The following DEPTOR variants were observed in gnomAD, a reference collection of about 807,000 sequenced individuals.
The protein encoded by DEPTOR is DEP domain containing MTOR interacting protein.
DEPTOR carries 41 observed loss-of-function variants against 41.6 expected under a neutral mutation model. The observed-to-expected ratio is 0.98, with a 90% CI of 0.77 to 1.28. The LOEUF (loss-of-function observed/expected upper bound fraction) is 1.28, where lower values mean the gene tolerates loss of function less well. DEPTOR is among the 50% of genes most tolerant of loss of function. The probability of loss-of-function intolerance (pLI) is 0.00; values close to 1 mark genes in which losing one functional copy is unlikely to be tolerated. For synonymous variants in DEPTOR, 195 were observed against 192.3 expected, an observed-to-expected ratio of 1.01 and a Z score of -0.12; for missense variants, 514 against 527.9, an observed-to-expected ratio of 0.97 and a Z score of 0.26.
chr8:119,880,669 C>A (rs886187763), intron 1 of DEPTOR, among the ~76,000 whole-genome samples: 2 of 152,128 alleles, frequency 1.3e-5, no homozygotes, highest in African/African-American at 4.8e-5. Context: ...TATATTTTGA[C>A]AAGGTAGGAT....
chr8:119,892,971 C>T lies in DEPTOR; in HGVS notation c.122+19003C>T, dbSNP rs928795952. On this transcript the variant is annotated intron_variant, in intron 1 of 8. Transcript: ENST00000286234. ...CTAAATTTTGTATTTTTAGTAGAGA[C>T]GGGGTTTCACCATGTTGGCCAGGCT... Among the ~76,000 whole-genome samples, 9 of 152,098 alleles carry T rather than the reference C, an allele frequency of 5.9e-5. No individual in the cohort carries two copies. In the East Asian group the frequency reaches 9.7e-4, roughly 16 times the overall value.
intron 1 of DEPTOR, among the ~76,000 whole-genome samples, chr8:119,905,722 C>G (rs190598057): frequency 1.0e-3 from 156 of 151,548 alleles, no homozygotes; most frequent in Non-Finnish European, 2.0e-3. Context: ...CTTACTACAG[C>G]CTCCGCCTCT....
chr8:119,963,388 T>C (rs1828516697), intron 3 of DEPTOR, among the ~76,000 whole-genome samples: 1 of 151,936 alleles, frequency 6.6e-6, no homozygotes, highest in Non-Finnish European at 1.5e-5. Context: ...TCTCCCTCTG[T>C]CACTCAGGCT....
chr8:119,951,902 A>G (rs1343635612), intron 3 of DEPTOR, among the ~76,000 whole-genome samples: 1 of 152,048 alleles, frequency 6.6e-6, no homozygotes, highest in Non-Finnish European at 1.5e-5. Flanking sequence ...CTTTGAGAGG[A>G]TGAGATGGGT....
intron 4 of DEPTOR, among the ~76,000 whole-genome samples, chr8:119,968,909 C>T (rs1017078675): frequency 6.6e-6 from 1 of 152,030 alleles, no homozygotes; most frequent in Non-Finnish European, 1.5e-5. Flanking sequence ...AGCTGGCCAA[C>T]ATTGTGAAAC....
chr8:119,946,695 T>A (rs1828282967), intron 3 of DEPTOR, among the ~76,000 whole-genome samples: 1 of 151,942 alleles, frequency 6.6e-6, no homozygotes, highest in Non-Finnish European at 1.5e-5. Context: ...GATTGTACCA[T>A]TGCACTCCAG....
At chr8:119,952,396 TG>T (rs1346605972) in intron 3 of DEPTOR, among the ~76,000 whole-genome samples, 2 of 152,298 alleles carry the variant, frequency 1.3e-5, no homozygotes, top group African/African-American at 4.8e-5. Flanking sequence ...CATGAAGGCC[TG>T]GAGTTGGATT....
chr8:120,023,838 G>T (rs1812759306), intron 8 of DEPTOR, among the ~76,000 whole-genome samples: 1 of 149,754 alleles, frequency 6.7e-6, no homozygotes, highest in South Asian at 2.1e-4. Context: ...CCATTCCCAA[G>T]GTTACTTCAA....
At chr8:119,950,202 GA>G (rs1296694882) in intron 3 of DEPTOR, among the ~76,000 whole-genome samples, 1 of 152,076 alleles carries the variant, frequency 6.6e-6, no homozygotes, top group Non-Finnish European at 1.5e-5. Flanking sequence ...CCAAAGTAGT[GA>G]TTTAAAATTT....
intron 3 of DEPTOR, among the ~76,000 whole-genome samples, chr8:119,932,712 T>A (rs1318619951): frequency 6.6e-6 from 1 of 152,182 alleles, no homozygotes; most frequent in East Asian, 1.9e-4. Context: ...CACATGAAGA[T>A]GTGACAGAGT....
chr8:120,007,894 C>T (rs1236622573), intron 7 of DEPTOR, among the ~76,000 whole-genome samples: 1 of 152,136 alleles, frequency 6.6e-6, no homozygotes, highest in African/African-American at 2.4e-5. Flanking sequence ...TTTTCATTTG[C>T]CTCCCTGTTT....
At chr8:119,887,915 C>T (rs894289293) in intron 1 of DEPTOR, among the ~76,000 whole-genome samples, 5 of 144,708 alleles carry the variant, frequency 3.5e-5, no homozygotes, top group Non-Finnish European at 4.6e-5. Context: ...TAACCCTACC[C>T]GCTCAAGTGA....
intron 1 of DEPTOR, among the ~76,000 whole-genome samples, chr8:119,889,627 AAGG>A (rs1827422841): frequency 4.4e-4 from 9 of 20,422 alleles, no homozygotes; most frequent in East Asian, 6.0e-3. Flanking sequence ...GAGGGGAGGG[AAGG>A]GAAGGGGAGG....
Position 120,014,031 on chromosome 8 carries a change from G to A in DEPTOR, c.1101+4898G>A, listed in dbSNP as rs528422065. Among the ~76,000 whole-genome samples the A allele has an allele frequency of 5.3e-5, 8 of 152,136 alleles. No homozygotes were observed. The South Asian group carries it at 1.7e-3, about 32-fold the overall frequency. On this transcript the variant is annotated intron_variant, in intron 8 of 8. Transcript: ENST00000286234. ...TTTGTGTATTTTTAGTAGAAACGGG[G>A]TTTCACCATGTTGGCTAGGCTTGAC... is the stretch of plus-strand genomic sequence containing the variant.
intron 4 of DEPTOR, among the ~76,000 whole-genome samples, chr8:119,981,526 G>A (rs918510770): frequency 1.4e-4 from 21 of 151,784 alleles, no homozygotes; most frequent in African/African-American, 5.1e-4. Flanking sequence ...GTGTGGTGGT[G>A]CACACCTGTA....
chr8:120,012,770 C>T (rs569295009), intron 8 of DEPTOR, among the ~76,000 whole-genome samples: 17 of 152,120 alleles, frequency 1.1e-4, no homozygotes, highest in Middle Eastern at 3.4e-3. Flanking sequence ...TTCTTGACCT[C>T]GTGATCCGCC....
rs762123209 is a variant in DEPTOR, at chr8:119,965,406, G to A, written c.600G>A (p.Gln200=). ...GGCTTATGGAGCATGGCATCATCCA[G>A]CATGGTGAGCGTATTGGGCAGCTTT... The part of the protein sequence containing the change: ...CHRLMEHGII[Q]HVSNKHPFVD... The change falls in exon 4 of 9, where the codon CAG becomes CAA. Residue 200 remains glutamine, a synonymous_variant. Coordinates refer to ENST00000286234, the MANE Select transcript of DEPTOR (RefSeq NM_022783.4). 1 of 1,613,260 alleles carries A rather than the reference G, an allele frequency of 6.2e-7. No homozygotes were observed. The highest frequency in any genetic ancestry group is 1.1e-5 in the South Asian group (1 of 90,894).
chr8:119,874,801 G>A (rs1467044), intron 1 of DEPTOR, among the ~76,000 whole-genome samples: 76,118 of 151,926 alleles, frequency 0.5, 20,327 homozygotes, highest in East Asian at 0.92. Context: ...CTCTAGGGCT[G>A]TTTGGGAATA....
intron 1 of DEPTOR, among the ~76,000 whole-genome samples, chr8:119,908,871 TAAATC>T (rs1213683346): frequency 6.6e-6 from 1 of 152,146 alleles, no homozygotes; most frequent in Non-Finnish European, 1.5e-5. Flanking sequence ...ATTGGAAAAA[TAAATC>T]AGAGAGTTAT....
Sources: allele counts gnomAD v4.1 joint callset (sites outside exome capture counted in the v4.1 genomes callset), GRCh38; gene constraint gnomAD v4.1.1; transcripts MANE v1.5; gene names NCBI Gene and HGNC (gene_info 2026-07-23, HGNC 2026-07-21).